The following GRID1 variants were observed in gnomAD, a reference collection of about 807,000 sequenced individuals.
GRID1 encodes glutamate receptor ionotropic, delta-1.
In GRID1, 28 loss-of-function variants were observed where a neutral mutation model predicts 98.0. That is an observed-to-expected ratio of 0.29 (90% CI 0.21 to 0.39). The LOEUF (loss-of-function observed/expected upper bound fraction) is 0.39, where lower values mean the gene tolerates loss of function less well. Ranked by LOEUF, GRID1 falls within the 10% of genes least tolerant of loss-of-function variation. The pLI is 1.00. For synonymous variants in GRID1, 553 were observed against 538.5 expected, an observed-to-expected ratio of 1.03 and a Z score of -0.37; for missense variants, 1,111 against 1,340.5, an observed-to-expected ratio of 0.83 and a Z score of 2.67.
intron 8 of GRID1, among the ~76,000 whole-genome samples, chr10:85,788,897 C>T (rs563311998): frequency 3.9e-5 from 6 of 152,244 alleles, no homozygotes; most frequent in African/African-American, 1.2e-4. Flanking sequence ...CTAGAGAACT[C>T]GGGGTCAGTG....
intron 4 of GRID1, among the ~76,000 whole-genome samples, chr10:85,978,539 G>A (rs1280796316): frequency 2.0e-5 from 3 of 152,210 alleles, no homozygotes; most frequent in East Asian, 3.9e-4. Flanking sequence ...CACATTACCA[G>A]GAAGGAGGAA....
intron 2 of GRID1, among the ~76,000 whole-genome samples, chr10:86,311,342 G>A (rs1462339768): frequency 2.6e-5 from 4 of 152,082 alleles, no homozygotes; most frequent in Non-Finnish European, 5.9e-5. Context: ...TCCTGGGGCA[G>A]CTGGGAGACC....
At chr10:85,984,925 C>T (rs1014439050) in intron 4 of GRID1, among the ~76,000 whole-genome samples, 3 of 152,056 alleles carry the variant, frequency 2.0e-5, no homozygotes, top group African/African-American at 2.4e-5. Flanking sequence ...GGGTGCCAAG[C>T]GCTAGGTGAT....
At chr10:86,083,849 C>T (rs1589365532) in intron 4 of GRID1, among the ~76,000 whole-genome samples, 2 of 152,226 alleles carry the variant, frequency 1.3e-5, no homozygotes, top group African/African-American at 2.4e-5. Flanking sequence ...CAGTTCAGCT[C>T]GTAAGTTGTA....
intron 2 of GRID1, among the ~76,000 whole-genome samples, chr10:86,316,576 G>A (rs11201979): frequency 0.16 from 23,909 of 152,276 alleles, 1,938 homozygotes; most frequent in South Asian, 0.23. Context: ...CTCCAGGCTC[G>A]GGAGGGCAGA....
chr10:85,710,376 A>G (rs1294871259), intron 12 of GRID1, among the ~76,000 whole-genome samples: 2 of 152,102 alleles, frequency 1.3e-5, no homozygotes, highest in African/African-American at 4.8e-5. Flanking sequence ...AGAAGAAAGG[A>G]TAGTCTTTCA....
At chr10:86,279,406 A>T (rs1847322646) in intron 2 of GRID1, among the ~76,000 whole-genome samples, 1 of 152,232 alleles carries the variant, frequency 6.6e-6, no homozygotes, top group Non-Finnish European at 1.5e-5. Context: ...CAAATCCAAC[A>T]ATATATAAAA....
At chr10:86,006,803 T>TAAA (rs35058405) in intron 4 of GRID1, among the ~76,000 whole-genome samples, 1 of 141,194 alleles carries the variant, frequency 7.1e-6, no homozygotes. Flanking sequence ...TGAAGACAAT[T>TAAA]AAAAAAAAAA....
chr10:85,967,571 A>G (rs568987959), intron 4 of GRID1, among the ~76,000 whole-genome samples: 1 of 152,354 alleles, frequency 6.6e-6, no homozygotes, highest in Non-Finnish European at 1.5e-5. Flanking sequence ...TCAAGGAACT[A>G]GAGAAAATCG....
chr10:85,713,947 G>A (rs534920039), intron 12 of GRID1, among the ~76,000 whole-genome samples: 1 of 151,870 alleles, frequency 6.6e-6, no homozygotes, highest in African/African-American at 2.4e-5. Flanking sequence ...AACAAAACAA[G>A]GGTGCCCACT....
chr10:85,694,572 A>G (rs1443086705), intron 12 of GRID1, among the ~76,000 whole-genome samples: 1,091 of 79,034 alleles, frequency 0.014, 47 homozygotes, highest in Middle Eastern at 0.06. Flanking sequence ...ATATATATAT[A>G]TATATATATA....
chr10:86,000,235 A>C (rs914730814), intron 4 of GRID1, among the ~76,000 whole-genome samples: 1 of 152,230 alleles, frequency 6.6e-6, no homozygotes, highest in Non-Finnish European at 1.5e-5. Flanking sequence ...AGCTTGGAAA[A>C]AAAAGTTATA....
intron 2 of GRID1, among the ~76,000 whole-genome samples, chr10:86,363,732 G>A (rs1848635712): frequency 6.6e-6 from 1 of 152,246 alleles, no homozygotes; most frequent in Admixed American, 6.5e-5. Flanking sequence ...CGCGCTCGCA[G>A]GCTCTCCGTG....
chr10:86,060,625 G>A (rs2131912852), intron 4 of GRID1, among the ~76,000 whole-genome samples: 1 of 152,346 alleles, frequency 6.6e-6, no homozygotes, highest in Admixed American at 6.5e-5. Flanking sequence ...GTCCCCGGGT[G>A]TCGGATGCTC....
At position 86,216,804 on chromosome 10, in the gene GRID1, G is replaced by T. The variant is rs558694978; in HGVS notation, c.236-10156C>A. Among the ~76,000 whole-genome samples the T allele has an allele frequency of 3.3e-5, 5 of 152,298 alleles. No individual in the cohort carries two copies. The South Asian group carries it at 1.0e-3, about 32-fold the overall frequency. ...CTCAGAGAGGGTGGAGACTTGGGCA[G>T]CACAGGGAGCTCTCTGAGGAGCTCG... On this transcript the variant is annotated intron_variant, in intron 2 of 15. Coordinates refer to ENST00000327946, the MANE Select transcript of GRID1 (RefSeq NM_017551.3).
chr10:85,981,413 C>A (rs1004798581), intron 4 of GRID1, among the ~76,000 whole-genome samples: 2 of 152,204 alleles, frequency 1.3e-5, no homozygotes, highest in Non-Finnish European at 2.9e-5. Context: ...CTGGAAGCAG[C>A]TGGCTGCCAG....
chr10:85,796,955 T>C, intron 8 of GRID1, among the ~76,000 whole-genome samples: 1 of 152,158 alleles, frequency 6.6e-6, no homozygotes, highest in East Asian at 1.9e-4. Context: ...TGTGATAAAG[T>C]ATCCAAATAA....
intron 2 of GRID1, among the ~76,000 whole-genome samples, chr10:86,247,264 G>GATGA: frequency 6.6e-6 from 1 of 151,514 alleles, no homozygotes; most frequent in South Asian, 2.1e-4. Flanking sequence ...TGGATAGATG[G>GATGA]ATGGATGGAT....
At chr10:85,868,927 A>G in intron 6 of GRID1, 83 bp downstream of exon 6, 1 of 1,129,852 alleles carries the variant, frequency 8.9e-7, no homozygotes, top group Middle Eastern at 3.0e-4. Flanking sequence ...TGGCAATAGG[A>G]GGCCCCCACA....
Sources: gnomAD v4.1 joint callset for allele counts (sites outside exome capture counted in the v4.1 genomes callset) on GRCh38, gnomAD v4.1.1 for gene constraint, MANE v1.5 for transcripts, NCBI Gene and HGNC (gene_info 2026-07-23, HGNC 2026-07-21) for gene names.